Variants in CCNDBP1 observed in about 807,000 individuals in gnomAD.
The protein encoded by CCNDBP1 is cyclin-D1-binding protein 1.
Under a neutral mutation model 46.2 loss-of-function variants are expected in CCNDBP1, and 45 were observed. That is an observed-to-expected ratio of 0.97 (90% CI 0.77 to 1.25). CCNDBP1 has a LOEUF of 1.25. Among genes scored for constraint, CCNDBP1 ranks in the 50% most tolerant of loss-of-function variants. The pLI is 0.00. For synonymous variants in CCNDBP1, 154 were observed against 163.6 expected (o/e 0.94, Z 0.45); for missense variants, 436 against 442.1 (o/e 0.99, Z 0.12).
intron 5 of CCNDBP1, 40 bp downstream of exon 5, chr15:43,190,191 C>A (rs1485840037): frequency 6.2e-7 from 1 of 1,602,728 alleles, no homozygotes; most frequent in African/African-American, 1.3e-5. Flanking sequence ...TATTGGGGTT[C>A]CTTGCCTCAG....
In CCNDBP1 at chr15:43,196,349, A is replaced by G. The variant is rs1297390119; in HGVS notation, c.*1508A>G. On this transcript the variant is annotated 3_prime_UTR_variant, in exon 11 of 11. Transcript: ENST00000300213. ...CCCCCAAGCTGGAGTGCAGTGGCAC[A>G]CTCTCGGCTCACTGCAACCTCCGCC... 7.3e-6 allele frequency: 1 copy of G among 136,200 alleles called. No homozygotes were observed. Among genetic ancestry groups the G allele is most frequent in the Non-Finnish European group, 1.5e-5 (1 of 66,060 alleles). The allele number at this position is 136,200 out of a possible 1,614,324, so 8.4% of individuals were successfully genotyped here.
intron 9 of CCNDBP1, chr15:43,193,382 A>G (rs1369929614): frequency 6.8e-6 from 1 of 146,300 alleles, no homozygotes; most frequent in African/African-American, 2.5e-5. Context: ...TTGAAAAGAA[A>G]GTCTTAATTA....
In CCNDBP1 at chr15:43,191,629, G is replaced by C; in HGVS notation, c.814G>C (p.Ala272Pro). The C allele has an allele frequency of 1.2e-6, 2 of 1,611,696 alleles. No homozygotes were observed. Among genetic ancestry groups the C allele is most frequent in the Non-Finnish European group, 1.7e-6 (2 of 1,179,986 alleles). Residue 272 changes from alanine (A) to proline (P), a missense_variant, in exon 8 of 11, where the codon GCA becomes CCA. By Grantham distance (27) the Ala-to-Pro change is conservative (BLOSUM62 -1). Coordinates refer to ENST00000300213, the MANE Select transcript of CCNDBP1 (RefSeq NM_012142.5). ...AGAGAATGGGAAGAAGGATCAGGTG[G>C]CACAGCTGGATGACATTGTGGATAT... ...VAENGKKDQV[A>P]QLDDIVDISD... is the part of the protein sequence containing the mutation.
chr15:43,196,935 C>T lies in CCNDBP1; in HGVS notation c.*2094C>T, dbSNP rs1409987811. The T allele has an allele frequency of 3.0e-6, 1 of 328,102 alleles. No homozygotes were observed. The allele number at this position is 328,102 out of a possible 1,614,324, so 20.3% of individuals were successfully genotyped here. ...GGATCCCTCATGAATGGCTTCGTTC[C>T]ATTGGTGGGGTAATGAGTAAGTTCT... On this transcript the variant is annotated 3_prime_UTR_variant, in exon 11 of 11. Transcript: ENST00000300213.
intron 6 of CCNDBP1, 84 bp from the exon 7 acceptor site, chr15:43,190,882 G>A: frequency 8.8e-7 from 1 of 1,138,146 alleles, no homozygotes; most frequent in Non-Finnish European, 1.3e-6. Context: ...CCATCAATAG[G>A]AACAATGTGA....
At chr15:43,189,343 G>T in intron 4 of CCNDBP1, 63 bp downstream of exon 4, 1 of 1,007,286 alleles carries the variant, frequency 9.9e-7, no homozygotes, top group Non-Finnish European at 1.5e-6. Flanking sequence ...ATTATGTCTT[G>T]TGACTTTTAC....
chr15:43,189,131 G>GAA, intron 3 of CCNDBP1, 68 bp from the exon 4 acceptor site: 2 of 312,496 alleles, frequency 6.4e-6, no homozygotes, highest in South Asian at 6.0e-5. Flanking sequence ...AAAAAGAAAA[G>GAA]AAATATCTGC....
chr15:43,192,419 A>G (rs907657341), intron 8 of CCNDBP1, among the ~76,000 whole-genome samples: 3 of 152,164 alleles, frequency 2.0e-5, no homozygotes, highest in Non-Finnish European at 4.4e-5. Flanking sequence ...ATTTTACTCT[A>G]ATTTTAGCTT....
intron 9 of CCNDBP1, among the ~76,000 whole-genome samples, chr15:43,193,676 T>C (rs1596395524): frequency 6.6e-6 from 1 of 152,220 alleles, no homozygotes; most frequent in African/African-American, 2.4e-5. Flanking sequence ...TTCTCTCTAA[T>C]GTTATTGGAA....
At chr15:43,189,999 C>A in intron 4 of CCNDBP1, 56 bp from the exon 5 acceptor site, 1 of 1,436,734 alleles carries the variant, frequency 7.0e-7, no homozygotes, top group Non-Finnish European at 9.8e-7. Flanking sequence ...CTCAGGAAAG[C>A]AGATGGTGCT....
intron 3 of CCNDBP1, among the ~76,000 whole-genome samples, chr15:43,186,887 C>A (rs1244187680): frequency 6.6e-6 from 1 of 152,166 alleles, no homozygotes; most frequent in East Asian, 1.9e-4. Context: ...TGTTCTGGAC[C>A]TTCCAACTTA....
Position 43,189,182 on chromosome 15 carries a change from T to C in CCNDBP1, c.250-17T>C. 2.0e-6 allele frequency: 3 copies of C among 1,524,606 alleles called. No homozygotes were observed. Among genetic ancestry groups the C allele is most frequent in the Non-Finnish European group, 2.7e-6 (3 of 1,101,300 alleles). The allele number at this position is 1,524,606 out of a possible 1,614,324, so 94.4% of individuals were successfully genotyped here. ...AAGGGTTGACCACTTTGATCTAATC[T>C]GTTTCCTTTTTCATAGGAAACCCAG... On this transcript the variant is annotated splice_polypyrimidine_tract_variant and intron_variant, in intron 3 of 10. Coordinates refer to ENST00000300213, the MANE Select transcript of CCNDBP1 (RefSeq NM_012142.5).
In CCNDBP1 at chr15:43,194,894, T is replaced by C. The variant is rs1164611476; in HGVS notation, c.*53T>C. 9.1e-7 allele frequency: 1 copy of C among 1,103,204 alleles called. No homozygotes were observed. The highest frequency in any genetic ancestry group is 1.4e-6 in the Non-Finnish European group (1 of 724,796). The allele number at this position is 1,103,204 out of a possible 1,614,324, so 68.3% of individuals were successfully genotyped here. ...CCCTCTCATCGTCATGGTCAGGCTC[T>C]GATACCTGCTTTTAAAATGGAGCTA... On this transcript the variant is annotated 3_prime_UTR_variant, in exon 11 of 11. Coordinates refer to ENST00000300213, the MANE Select transcript of CCNDBP1 (RefSeq NM_012142.5).
intron 6 of CCNDBP1, 59 bp from the exon 7 acceptor site, chr15:43,190,907 C>T: frequency 7.5e-7 from 1 of 1,331,812 alleles, no homozygotes. Flanking sequence ...TCCTTGCAGT[C>T]ATAAGAAAAT....
Position 43,186,195 on chromosome 15 carries a change from A to C in CCNDBP1, c.211A>C (p.Thr71Pro), listed in dbSNP as rs1206561326. 5 of 1,614,108 alleles carry C rather than the reference A, an allele frequency of 3.1e-6. No homozygotes were observed. Among genetic ancestry groups the C allele is most frequent in the African/African-American group, 1.3e-5 (1 of 75,050 alleles). The change falls in exon 3 of 11, where the codon ACC becomes CCC. Residue 71 changes from threonine to proline, a missense_variant. Physicochemically the swap from Thr to Pro is conservative, Grantham distance 38. Coordinates refer to ENST00000300213, the MANE Select transcript of CCNDBP1 (RefSeq NM_012142.5). Reference sequence around the variant, plus strand: ...TGTGTCAAGGGAAGCCACGACTCTGACCATAGTCTTCTCTCAGCTTCCACT... The same window carrying C: ...TGTGTCAAGGGAAGCCACGACTCTGCCCATAGTCTTCTCTCAGCTTCCACT... ...VTVSREATTL[T>P]IVFSQLPLPS...
At chr15:43,189,896 G>T in intron 4 of CCNDBP1, 159 bp from the exon 5 acceptor site, 1 of 598,764 alleles carries the variant, frequency 1.7e-6, no homozygotes. Flanking sequence ...GCAAGAAAAT[G>T]CCATGGGGAT....
At chr15:43,186,335 C>A in intron 3 of CCNDBP1, 102 bp downstream of exon 3, 2 of 916,330 alleles carry the variant, frequency 2.2e-6, no homozygotes, top group Non-Finnish European at 3.5e-6. Context: ...GATTTCTTTT[C>A]TTCATCTGTC....
At chr15:43,186,324 A>T in intron 3 of CCNDBP1, 91 bp downstream of exon 3, 1 of 983,840 alleles carries the variant, frequency 1.0e-6, no homozygotes, top group Non-Finnish European at 1.6e-6. Flanking sequence ...GCACGCCAGG[A>T]GATTTCTTTT....
At chr15:43,192,201 A>G (rs2142237333) in intron 8 of CCNDBP1, among the ~76,000 whole-genome samples, 1 of 152,324 alleles carries the variant, frequency 6.6e-6, no homozygotes, top group Middle Eastern at 3.4e-3. Context: ...CAACATTTTA[A>G]AAAGAAACCA....
Sources: allele counts gnomAD v4.1 joint callset (sites outside exome capture counted in the v4.1 genomes callset), GRCh38; gene constraint gnomAD v4.1.1; transcripts MANE v1.5; gene names NCBI Gene and HGNC (gene_info 2026-07-23, HGNC 2026-07-21).